The following ESF1 variants were observed in gnomAD, a reference collection of about 807,000 sequenced individuals.
ESF1 encodes the protein ESF1 homolog.
A neutral mutation model predicts 92.0 loss-of-function variants in ESF1; 58 were observed. The observed-to-expected ratio is 0.63, with a 90% CI of 0.51 to 0.78. The LOEUF (loss-of-function observed/expected upper bound fraction) is 0.78. Ranked by LOEUF, ESF1 falls within the 30% of genes least tolerant of loss-of-function variation. The probability of loss-of-function intolerance (pLI) is 0.00; values close to 1 mark genes in which losing one functional copy is unlikely to be tolerated. For synonymous variants in ESF1, 321 were observed against 313.7 expected (o/e 1.02, Z -0.24); for missense variants, 922 against 989.1 (o/e 0.93, Z 0.91).
intron 9 of ESF1, among the ~76,000 whole-genome samples, chr20:13,743,609 C>A (rs118048215): frequency 4.6e-5 from 7 of 152,126 alleles, no homozygotes; most frequent in Non-Finnish European, 8.8e-5. Flanking sequence ...ATATTATGTT[C>A]GGTGAAGGCA....
At chr20:13,754,531 G>C (rs988883677) in intron 9 of ESF1, among the ~76,000 whole-genome samples, 5 of 151,850 alleles carry the variant, frequency 3.3e-5, no homozygotes, top group Non-Finnish European at 5.9e-5. Flanking sequence ...TGATTCCTTG[G>C]CATGTCTATT....
chr20:13,750,958 G>C (rs1978605541), intron 9 of ESF1, among the ~76,000 whole-genome samples: 1 of 152,166 alleles, frequency 6.6e-6, no homozygotes, highest in South Asian at 2.1e-4. Flanking sequence ...AACAGAACAA[G>C]ACCTTGTCTC....
intron 5 of ESF1, 80 bp downstream of exon 5, chr20:13,772,435 A>T: frequency 9.4e-7 from 1 of 1,066,990 alleles, no homozygotes; most frequent in Non-Finnish European, 1.4e-6. Flanking sequence ...CTTTAGTTTT[A>T]ACTATTAAGG....
chr20:13,717,520 G>C lies in ESF1; in HGVS notation c.2116-6C>G. Reference sequence around the variant, plus strand: ...ATAAGCAAAGCCATTTCAGCCTGTAGAGAGCAAAAAAAAGTTCAAATGTAC... The same window carrying C: ...ATAAGCAAAGCCATTTCAGCCTGTACAGAGCAAAAAAAAGTTCAAATGTAC... On this transcript the variant is annotated splice_region_variant and splice_polypyrimidine_tract_variant and intron_variant, in intron 12 of 13. Coordinates refer to ENST00000617257, the MANE Select transcript of ESF1 (RefSeq NM_001276380.2). The C allele has an allele frequency of 6.2e-7, 1 of 1,611,728 alleles. No homozygotes were observed. Among genetic ancestry groups the C allele is most frequent in the Non-Finnish European group, 8.5e-7 (1 of 1,179,510 alleles).
intron 9 of ESF1, among the ~76,000 whole-genome samples, chr20:13,742,671 T>G (rs959001809): frequency 3.9e-5 from 6 of 151,962 alleles, no homozygotes; most frequent in Admixed American, 6.6e-5. Context: ...GTATAGAAGT[T>G]AAATGGATGA....
intron 9 of ESF1, among the ~76,000 whole-genome samples, chr20:13,756,088 CAT>C (rs1978880760): frequency 6.6e-6 from 1 of 152,112 alleles, no homozygotes; most frequent in African/African-American, 2.4e-5. Flanking sequence ...TTTCTTAAGA[CAT>C]AAATTCACTG....
rs1979440456 is a variant in ESF1 at position 13,766,680 on chromosome 20, T to C, written c.1666+97A>G. 6.7e-6 allele frequency: 8 copies of C among 1,197,146 alleles called. No homozygotes were observed. In the Admixed American group the frequency reaches 1.7e-4, roughly 25 times the overall value. 74.2% of individuals were successfully genotyped at this position (1,197,146 alleles called of 1,614,324 possible). A position where few individuals can be genotyped will look rare whatever the true frequency, so the allele number is the denominator to read the frequency against. ...CTATCTACAGGTATATATAATACTG[T>C]GCATGTGAGCATATCTGCAGACAGA... On this transcript the variant is annotated intron_variant, in intron 8 of 13. Coordinates refer to ENST00000617257, the MANE Select transcript of ESF1 (RefSeq NM_001276380.2).
intron 9 of ESF1, among the ~76,000 whole-genome samples, chr20:13,755,191 T>C (rs755743133): frequency 2.0e-5 from 3 of 152,108 alleles, no homozygotes; most frequent in African/African-American, 4.8e-5. Flanking sequence ...GGAAGAGAAG[T>C]TGGGGTTCTG....
intron 9 of ESF1, among the ~76,000 whole-genome samples, chr20:13,742,424 T>G (rs185423352): frequency 6.6e-6 from 1 of 151,602 alleles, no homozygotes; most frequent in Admixed American, 6.6e-5. Flanking sequence ...AGTGCTGAGA[T>G]CACGCCATTG....
In ESF1 at chr20:13,714,918, T is replaced by C. The variant is rs370599769; in HGVS notation, c.2512A>G (p.Lys838Glu). Residue 838 changes from lysine (K) to glutamate (E), a missense_variant, in exon 14 of 14, where the codon AAA becomes GAA. By Grantham distance (56) the Lys-to-Glu change is moderately conservative (BLOSUM62 1). Coordinates refer to ENST00000617257, the MANE Select transcript of ESF1 (RefSeq NM_001276380.2). The part of the protein sequence containing the change: ...LSMLIKSIKT[K>E]TEQFQARKKQ... ...TTTCTTGCTTGAAACTGCTCTGTTT[T>C]GGTTTTTATAGATTTAATCAACATT... is the stretch of plus-strand genomic sequence containing the variant. The C allele has an allele frequency of 1.9e-6, 3 of 1,612,678 alleles. No homozygotes were observed. Among genetic ancestry groups the C allele is most frequent in the Non-Finnish European group, 2.5e-6 (3 of 1,179,568 alleles).
At chr20:13,771,227 T>C in intron 6 of ESF1, 104 bp downstream of exon 6, 4 of 1,152,172 alleles carry the variant, frequency 3.5e-6, no homozygotes, top group Non-Finnish European at 5.1e-6. Flanking sequence ...AGCAAAAAAA[T>C]CATTTTAGAA....
intron 12 of ESF1, 80 bp from the exon 13 acceptor site, chr20:13,717,594 A>C (rs899421426): frequency 2.7e-6 from 4 of 1,500,432 alleles, no homozygotes; most frequent in African/African-American, 2.8e-5. Flanking sequence ...GGCAGAAGAT[A>C]TCTCTTCTAG....
chr20:13,730,282 C>T (rs1393098950), intron 10 of ESF1, among the ~76,000 whole-genome samples: 1 of 151,960 alleles, frequency 6.6e-6, no homozygotes, highest in East Asian at 1.9e-4. Context: ...CCATGTTGGG[C>T]AGGCTGGTCT....
At chr20:13,780,663 T>TGGCCTATCAAGACCTCTC (rs1173081216) in intron 2 of ESF1, among the ~76,000 whole-genome samples, 3 of 151,814 alleles carry the variant, frequency 2.0e-5, no homozygotes, top group Non-Finnish European at 2.9e-5. Context: ...CAAGACCTCT[T>TGGCCTATCAAGACCTCTC]GGCCTATCAA....
At chr20:13,776,888 C>G (rs1386631876) in intron 2 of ESF1, among the ~76,000 whole-genome samples, 1 of 152,202 alleles carries the variant, frequency 6.6e-6, no homozygotes. Flanking sequence ...AGCCAACCAT[C>G]ATGTCCAGAT....
chr20:13,758,971 T>G (rs1568722478), intron 9 of ESF1, among the ~76,000 whole-genome samples: 1 of 152,188 alleles, frequency 6.6e-6, no homozygotes, highest in Admixed American at 6.5e-5. Context: ...AAAGTTTAAC[T>G]TATAAATTAG....
intron 6 of ESF1, among the ~76,000 whole-genome samples, chr20:13,770,245 A>G (rs1979623679): frequency 1.3e-5 from 2 of 152,238 alleles, no homozygotes; most frequent in African/African-American, 4.8e-5. Context: ...CTAAATTTAA[A>G]AGAATGCTGT....
chr20:13,746,984 C>A (rs981156897), intron 9 of ESF1, among the ~76,000 whole-genome samples: 1 of 152,196 alleles, frequency 6.6e-6, no homozygotes, highest in East Asian at 1.9e-4. Flanking sequence ...ATGGTAGACA[C>A]AATGACAATG....
intron 9 of ESF1, among the ~76,000 whole-genome samples, chr20:13,750,771 G>C (rs908725494): frequency 7.9e-5 from 12 of 152,120 alleles, no homozygotes; most frequent in African/African-American, 2.9e-4. Flanking sequence ...TTGAGGCCAG[G>C]ATTTTGAAGC....
Sources: allele counts gnomAD v4.1 joint callset (sites outside exome capture counted in the v4.1 genomes callset), GRCh38; gene constraint gnomAD v4.1.1; transcripts MANE v1.5; gene names NCBI Gene and HGNC (gene_info 2026-07-23, HGNC 2026-07-21).